PNMA6F: variants seen among roughly 807,000 people sequenced by gnomAD.
The protein encoded by PNMA6F is PNMA family member 6F.
For synonymous variants in PNMA6F, 14 were observed against 3.4 expected (o/e 4.15, Z -3.45); for missense variants, 57 against 10.8 (o/e 5.25, Z -5.98).
In PNMA6F at chrX:153,320,010, C is replaced by A. The variant is rs2051985177; in HGVS notation, c.665G>T (p.Gly222Val). ...CACCACACCTGCACCTACTGCCTCA[C>A]CTGCAGCTCCTGCCTCATCTTCACC... ...EGGEDEAGAA[G>V]EAVGAGVVEA... The change falls in exon 2 of 2, where the codon GGT (glycine) becomes GTT (valine). Residue 222 changes from glycine to valine, a missense_variant. Coordinates refer to ENST00000436629, the MANE Select transcript of PNMA6F (RefSeq NM_001354980.2). 2.9e-6 allele frequency: 1 copy of A among 350,041 alleles called. No individual in the cohort carries two copies. Among genetic ancestry groups the A allele is most frequent in the Non-Finnish European group, 4.9e-6 (1 of 204,292 alleles). 28.8% of individuals were successfully genotyped at this position (350,041 alleles called of 1,213,427 possible).
In PNMA6F at chrX:153,319,761, T is replaced by C; in HGVS notation, c.914A>G (p.Asp305Gly). Residue 305 changes from aspartate (D) to glycine (G), a missense_variant, in exon 2 of 2, where the codon GAT becomes GGT. Asp to Gly is a moderately conservative substitution (Grantham distance 94, BLOSUM62 -1). Coordinates refer to ENST00000436629, the MANE Select transcript of PNMA6F (RefSeq NM_001354980.2). ...TTCCTCCAGGAGGCCGCTCACGATA[T>C]CCAGGGCCAGGCCATCCAAGCTGTC... Reference protein sequence around the residue: ...LLDSLDGLALDIVSGLLEEDP... With the variant: ...LLDSLDGLALGIVSGLLEEDP... The C allele has an allele frequency of 1.7e-5, 5 of 299,847 alleles. No individual in the cohort carries two copies. Among genetic ancestry groups the C allele is most frequent in the Admixed American group, 6.0e-5 (1 of 16,712 alleles). 24.7% of individuals were successfully genotyped at this position (299,847 alleles called of 1,213,427 possible).
At position 153,320,112 on chromosome X, in the gene PNMA6F, G is replaced by T. The variant is rs937099290; in HGVS notation, c.563C>A (p.Ala188Glu). The change falls in exon 2 of 2, where the codon GCA (alanine) becomes GAA (glutamate). Residue 188 changes from alanine to glutamate, a missense_variant. Ala to Glu is a moderately radical substitution (Grantham distance 107). Transcript: ENST00000436629. ...ACCTCCTTCCTCACCTGCACCTCCT[G>T]CCTCACCTGCACCTCCTGCCTCACC... ...GAGEAGGAGEAGGAGEEGGTG... is the reference protein window; with the variant it reads ...GAGEAGGAGEEGGAGEEGGTG... The T allele has an allele frequency of 1.7e-5, 6 of 355,565 alleles. No homozygotes were observed. Among genetic ancestry groups the T allele is most frequent in the Non-Finnish European group, 2.4e-5 (5 of 209,416 alleles). 29.3% of individuals were successfully genotyped at this position (355,565 alleles called of 1,213,427 possible). A position where few individuals can be genotyped will look rare whatever the true frequency, so the allele number is the denominator to read the frequency against.
At position 153,319,962 on chromosome X, in the gene PNMA6F, C is replaced by T. The variant is rs2051984863; in HGVS notation, c.713G>A (p.Arg238His). ...GVVEAWTQSW[R>H]QTLRPLVKTM... ...TTTCACCAGAGGCCGCAGGGTCTGG[C>T]GCCATGACTGGGTCCAGGCCTCCAC... Residue 238 changes from arginine to histidine, a missense_variant, in exon 2 of 2, where the codon CGC becomes CAC. Coordinates refer to ENST00000436629, the MANE Select transcript of PNMA6F (RefSeq NM_001354980.2). 9.5e-6 allele frequency: 3 copies of T among 314,315 alleles called. No individual in the cohort carries two copies. Among genetic ancestry groups the T allele is most frequent in the East Asian group, 4.7e-5 (1 of 21,269 alleles). The allele number at this position is 314,315 out of a possible 1,213,427, so 25.9% of individuals were successfully genotyped here.
In PNMA6F at chrX:153,320,754, C is replaced by G. The variant is rs781841414; in HGVS notation, c.-80G>C. The G allele has an allele frequency of 3.4e-6, 1 of 294,630 alleles. No homozygotes were observed. The highest frequency in any genetic ancestry group is 5.9e-6 in the Non-Finnish European group (1 of 169,457). 24.3% of individuals were successfully genotyped at this position (294,630 alleles called of 1,213,427 possible). A position where few individuals can be genotyped will look rare whatever the true frequency, so the allele number is the denominator to read the frequency against. Reference sequence around the variant, plus strand: ...GTGCTGACTGTTGCAGTCTCTGACGCAGCCTGTGAGTGCAAAGGGGAGAGA... The same window carrying G: ...GTGCTGACTGTTGCAGTCTCTGACGGAGCCTGTGAGTGCAAAGGGGAGAGA... On this transcript the variant is annotated 5_prime_UTR_variant, in exon 2 of 2. Coordinates refer to ENST00000436629, the MANE Select transcript of PNMA6F (RefSeq NM_001354980.2).
At position 153,320,208 on chromosome X, in the gene PNMA6F, C is replaced by T. The variant is rs2051987041; in HGVS notation, c.467G>A (p.Gly156Asp). 3 of 340,204 alleles carry T rather than the reference C, an allele frequency of 8.8e-6. No homozygotes were observed. The highest frequency in any genetic ancestry group is 1.5e-5 in the Non-Finnish European group (3 of 198,838). 28.0% of individuals were successfully genotyped at this position (340,204 alleles called of 1,213,427 possible). Residue 156 changes from glycine to aspartate, a missense_variant, in exon 2 of 2, where the codon GGT (glycine) becomes GAT (aspartate). Gly to Asp is a moderately conservative substitution (Grantham distance 94). Coordinates refer to ENST00000436629, the MANE Select transcript of PNMA6F (RefSeq NM_001354980.2). ...TGCCTCACCTGCTGCTCCTGCCTCACCTACACCTCCTGCCTCACCTATACC... is the reference window on the plus strand; with the variant it reads ...TGCCTCACCTGCTGCTCCTGCCTCATCTACACCTCCTGCCTCACCTATACC... ...AGGIGEAGGV[G>D]EAGAAGEAGA... is the part of the protein sequence containing the mutation.
chrX:153,318,797 G>A lies in PNMA6F; in HGVS notation c.*141C>T. On this transcript the variant is annotated 3_prime_UTR_variant, in exon 2 of 2. Transcript: ENST00000436629. Reference sequence around the variant, plus strand: ...GTCATCTGAGTCACTGGGAAGGGCTGGTGGTGGTGGCCAGGACCCATTAGG... The same window carrying A: ...GTCATCTGAGTCACTGGGAAGGGCTAGTGGTGGTGGCCAGGACCCATTAGG... The A allele has an allele frequency of 6.7e-6, 2 of 296,769 alleles. No individual in the cohort carries two copies. The highest frequency in any genetic ancestry group is 1.2e-5 in the Non-Finnish European group (2 of 169,889). 24.5% of individuals were successfully genotyped at this position (296,769 alleles called of 1,213,427 possible). A position where few individuals can be genotyped will look rare whatever the true frequency, so the allele number is the denominator to read the frequency against.
In PNMA6F at chrX:153,318,948, G is replaced by T. The variant is rs938079038; in HGVS notation, c.1727C>A (p.Pro576Gln). 14 of 298,856 alleles carry T rather than the reference G, an allele frequency of 4.7e-5. No individual in the cohort carries two copies. Among genetic ancestry groups the T allele is most frequent in the African/African-American group, 3.5e-4 (13 of 36,954 alleles). The allele number at this position is 298,856 out of a possible 1,213,427, so 24.6% of individuals were successfully genotyped here. The change falls in exon 2 of 2, where the codon CCG becomes CAG. Residue 576 changes from proline (P) to glutamine (Q), a missense_variant. By Grantham distance (76) the Pro-to-Gln change is moderately conservative. Transcript: ENST00000436629. ...CAGGGCCCTCAGAGCCTATTTGCCC[G>T]GGGGGGACTTGGGCTTGCCCGCCTC... ...AGEAGKPKSPPGK is the reference protein window; with the variant it reads ...AGEAGKPKSPQGK
chrX:153,320,984 C>T (rs1166449067), intron 1 of PNMA6F, among the ~76,000 whole-genome samples: 1 of 108,870 alleles, frequency 9.2e-6, no homozygotes, highest in Non-Finnish European at 1.9e-5. Context: ...GCTGATGTCC[C>T]CTTATCACAC....
chrX:153,319,479 T>A lies in PNMA6F; in HGVS notation c.1196A>T (p.Asp399Val). 3.4e-6 allele frequency: 1 copy of A among 298,076 alleles called. No individual in the cohort carries two copies. The highest frequency in any genetic ancestry group is 5.9e-6 in the Non-Finnish European group (1 of 170,392). The allele number at this position is 298,076 out of a possible 1,213,427, so 24.6% of individuals were successfully genotyped here. ...CTCCAGCTGCATCCTCCTCAGGGTA[T>A]CCTGGAGTGCCTCGCTGGGGCGGGC... is the stretch of plus-strand genomic sequence containing the variant. ...SRARPSEALQ[D>V]TLRRMQLERR... The change falls in exon 2 of 2, where the codon GAT becomes GTT. Residue 399 changes from aspartate (D) to valine (V), a missense_variant. Physicochemically the swap from Asp to Val is radical, Grantham distance 152. Coordinates refer to ENST00000436629, the MANE Select transcript of PNMA6F (RefSeq NM_001354980.2).
Position 153,320,157 on chromosome X carries a change from G to A in PNMA6F, c.518C>T (p.Ala173Val). The change falls in exon 2 of 2, where the codon GCA becomes GTA. Residue 173 changes from alanine (A) to valine (V), a missense_variant. Ala to Val is a moderately conservative substitution (Grantham distance 64). Coordinates refer to ENST00000436629, the MANE Select transcript of PNMA6F (RefSeq NM_001354980.2). Reference sequence around the variant, plus strand: ...CTCACCTGCACCTCCTGCCTCACCTGCTGCTCCTGCCTCACCTGCTGCTCC... The same window carrying A: ...CTCACCTGCACCTCCTGCCTCACCTACTGCTCCTGCCTCACCTGCTGCTCC... ...EAGAAGEAGA[A>V]GEAGGAGEAG... The A allele has an allele frequency of 2.9e-6, 1 of 343,732 alleles. No individual in the cohort carries two copies. The highest frequency in any genetic ancestry group is 5.0e-6 in the Non-Finnish European group (1 of 200,980). 28.3% of individuals were successfully genotyped at this position (343,732 alleles called of 1,213,427 possible).
intron 1 of PNMA6F, chrX:153,321,308 C>G: frequency 1.5e-5 from 1 of 67,709 alleles, no homozygotes; most frequent in South Asian, 1.4e-3. Context: ...GCCAGAAGTC[C>G]CCTTCCTCCC....
rs2051979660 is a variant in PNMA6F, at chrX:153,319,457, C to A, written c.1218G>T (p.Leu406=). The change falls in exon 2 of 2, where the codon CTG becomes CTT. Residue 406 remains leucine (L), a synonymous_variant. Coordinates refer to ENST00000436629, the MANE Select transcript of PNMA6F (RefSeq NM_001354980.2). ...TCAGGAAGTCAGGTGGCCTCCTCTC[C>A]AGCTGCATCCTCCTCAGGGTATCCT... ...ALQDTLRRMQ[L]ERRPPDFLRL... 1 of 298,203 alleles carries A rather than the reference C, an allele frequency of 3.4e-6. No homozygotes were observed. Among genetic ancestry groups the A allele is most frequent in the Non-Finnish European group, 5.9e-6 (1 of 170,455 alleles). 24.6% of individuals were successfully genotyped at this position (298,203 alleles called of 1,213,427 possible).
rs1285127041 is a variant in PNMA6F, at chrX:153,321,667, C to G, written c.-199G>C. The stretch of plus-strand genomic sequence containing the variant: ...GGAGCAGGAGGGTGGAAGATCTCGC[C>G]TCAGTCACGCGGCCGCGCTGCGCAG... On this transcript the variant is annotated 5_prime_UTR_variant, in exon 1 of 2. Coordinates refer to ENST00000436629, the MANE Select transcript of PNMA6F (RefSeq NM_001354980.2). The G allele has an allele frequency of 1.9e-5, 2 of 107,391 alleles. No individual in the cohort carries two copies. Among genetic ancestry groups the G allele is most frequent in the Non-Finnish European group, 3.9e-5 (2 of 51,764 alleles). 8.9% of individuals were successfully genotyped at this position (107,391 alleles called of 1,213,427 possible).
rs1016040794 is a variant in PNMA6F at position 153,320,752 on chromosome X, C to T, written c.-78G>A. The T allele has an allele frequency of 1.1e-4, 33 of 294,624 alleles. No homozygotes were observed. In the East Asian group the frequency reaches 1.2e-3, roughly 11 times the overall value. 24.3% of individuals were successfully genotyped at this position (294,624 alleles called of 1,213,427 possible). On this transcript the variant is annotated 5_prime_UTR_variant, in exon 2 of 2. Transcript: ENST00000436629. ...GTGTGCTGACTGTTGCAGTCTCTGA[C>T]GCAGCCTGTGAGTGCAAAGGGGAGA...
In PNMA6F at chrX:153,319,656, C is replaced by T. The variant is rs1556958674; in HGVS notation, c.1019G>A (p.Arg340Gln). 1.0e-5 allele frequency: 3 copies of T among 297,095 alleles called. No individual in the cohort carries two copies. Among genetic ancestry groups the T allele is most frequent in the Non-Finnish European group, 1.2e-5 (2 of 170,333 alleles). 24.5% of individuals were successfully genotyped at this position (297,095 alleles called of 1,213,427 possible). A position where few individuals can be genotyped will look rare whatever the true frequency, so the allele number is the denominator to read the frequency against. Residue 340 changes from arginine (R) to glutamine (Q), a missense_variant, in exon 2 of 2, where the codon CGG becomes CAG. By Grantham distance (43) the Arg-to-Gln change is conservative. Coordinates refer to ENST00000436629, the MANE Select transcript of PNMA6F (RefSeq NM_001354980.2). ...CTGCGTGCAGGTCAGGAACTTCATC[C>T]GCGAGGTCATCCATGTATCCCGGCT... ...FRSRDTWMTS[R>Q]MKFLTCTQGP...
chrX:153,318,692 C>G lies in PNMA6F; in HGVS notation c.*246G>C. The G allele has an allele frequency of 3.8e-6, 1 of 263,272 alleles. No individual in the cohort carries two copies. Among genetic ancestry groups the G allele is most frequent in the African/African-American group, 2.7e-5 (1 of 36,488 alleles). The allele number at this position is 263,272 out of a possible 1,213,427, so 21.7% of individuals were successfully genotyped here. A position where few individuals can be genotyped will look rare whatever the true frequency, so the allele number is the denominator to read the frequency against. Reference sequence around the variant, plus strand: ...TTCCCCCATCTCTCCCAACACAGGACAAGGGGTGGGGGGCAGACATCTTCA... The same window carrying G: ...TTCCCCCATCTCTCCCAACACAGGAGAAGGGGTGGGGGGCAGACATCTTCA... On this transcript the variant is annotated 3_prime_UTR_variant, in exon 2 of 2. Transcript: ENST00000436629.
Position 153,320,676 on chromosome X carries a change from G to T in PNMA6F, c.-2C>A, listed in dbSNP as rs182412166. The T allele has an allele frequency of 6.7e-4, 199 of 296,052 alleles. No homozygotes were observed. The highest frequency in any genetic ancestry group is 1.1e-3 in the Non-Finnish European group (187 of 170,074). 24.4% of individuals were successfully genotyped at this position (296,052 alleles called of 1,213,427 possible). A position where few individuals can be genotyped will look rare whatever the true frequency, so the allele number is the denominator to read the frequency against. ...CCTCCTGCACCAGTCCTGAAGCATC[G>T]CCAGAGCTATCGCAGAGGACTTGAG... On this transcript the variant is annotated 5_prime_UTR_variant, in exon 2 of 2. Transcript: ENST00000436629.
At chrX:153,321,007 A>C (rs1430893885) in intron 1 of PNMA6F, among the ~76,000 whole-genome samples, 3 of 106,088 alleles carry the variant, frequency 2.8e-5, no homozygotes, top group Non-Finnish European at 1.9e-5. Context: ...CAACAAGTGC[A>C]CCTCCCCCTC....
At position 153,320,245 on chromosome X, in the gene PNMA6F, C is replaced by A; in HGVS notation, c.430G>T (p.Asp144Tyr). ...GCCTCACCTATACCTCCTGCCTCATCTTCACCTGCAGATCTTTCCTCATTC... is the reference window on the plus strand; with the variant it reads ...GCCTCACCTATACCTCCTGCCTCATATTCACCTGCAGATCTTTCCTCATTC... Reference protein sequence around the residue: ...GVNEERSAGEDEAGGIGEAGG... With the variant: ...GVNEERSAGEYEAGGIGEAGG... The change falls in exon 2 of 2, where the codon GAT becomes TAT. Residue 144 changes from aspartate to tyrosine, a missense_variant. By Grantham distance (160) the Asp-to-Tyr change is radical. Coordinates refer to ENST00000436629, the MANE Select transcript of PNMA6F (RefSeq NM_001354980.2). 3.0e-6 allele frequency: 1 copy of A among 330,556 alleles called. No individual in the cohort carries two copies. Among genetic ancestry groups the A allele is most frequent in the Non-Finnish European group, 5.2e-6 (1 of 192,039 alleles). 27.2% of individuals were successfully genotyped at this position (330,556 alleles called of 1,213,427 possible). A position where few individuals can be genotyped will look rare whatever the true frequency, so the allele number is the denominator to read the frequency against.
Sources: gnomAD v4.1 joint callset for allele counts (sites outside exome capture counted in the v4.1 genomes callset) on GRCh38, gnomAD v4.1.1 for gene constraint, MANE v1.5 for transcripts, NCBI Gene and HGNC (gene_info 2026-07-23, HGNC 2026-07-21) for gene names.